Variants in LONRF1 observed in about 807,000 individuals in gnomAD.
LONRF1 encodes the protein LON peptidase N-terminal domain and ring finger 1, also known as LON peptidase N-terminal domain and RING finger protein 1.
Under a neutral mutation model 85.8 loss-of-function variants are expected in LONRF1, and 37 were observed. That is an observed-to-expected ratio of 0.43 (90% confidence interval 0.33 to 0.57). The LOEUF (loss-of-function observed/expected upper bound fraction) is 0.57. LONRF1 is among the 20% of genes least tolerant of loss of function. LONRF1 has a pLI of 0.04. For missense variants in LONRF1, 1,036 were observed against 978.0 expected, an observed-to-expected ratio of 1.06 and a Z score of -0.79; for synonymous variants, 517 against 390.1, an observed-to-expected ratio of 1.33 and a Z score of -3.83.
chr8:12,750,218 G>A (rs976229740), intron 1 of LONRF1, among the ~76,000 whole-genome samples: 1 of 152,140 alleles, frequency 6.6e-6, no homozygotes, highest in South Asian at 2.1e-4. Context: ...TACGATAATA[G>A]AAATGAAAAT....
chr8:12,736,234 T>C (rs1042357263), intron 6 of LONRF1, among the ~76,000 whole-genome samples: 14 of 152,168 alleles, frequency 9.2e-5, no homozygotes, highest in South Asian at 2.1e-4. Context: ...TTTAGAATTA[T>C]AGCATTCTGA....
chr8:12,723,051 T>G lies in LONRF1; in HGVS notation c.*45A>C. ...AGGCAGCAGACAATCTGGCCATCAATGCAGCCAGATTAGGGTCACTTTAAA... is the reference window on the plus strand; with the variant it reads ...AGGCAGCAGACAATCTGGCCATCAAGGCAGCCAGATTAGGGTCACTTTAAA... On this transcript the variant is annotated 3_prime_UTR_variant, in exon 12 of 12. Transcript: ENST00000398246. 6.7e-7 allele frequency: 1 copy of G among 1,502,456 alleles called. No homozygotes were observed. Among genetic ancestry groups the G allele is most frequent in the Non-Finnish European group, 9.0e-7 (1 of 1,116,052 alleles). The allele number at this position is 1,502,456 out of a possible 1,614,324, so 93.1% of individuals were successfully genotyped here.
intron 1 of LONRF1, among the ~76,000 whole-genome samples, chr8:12,745,326 A>AGG: frequency 3.0e-4 from 2 of 6,612 alleles, no homozygotes; most frequent in African/African-American, 4.7e-4. Flanking sequence ...TTTTGGAAAA[A>AGG]AAAAAAAAAA....
At chr8:12,747,066 T>C (rs1239005589) in intron 1 of LONRF1, among the ~76,000 whole-genome samples, 3 of 152,356 alleles carry the variant, frequency 2.0e-5, no homozygotes, top group East Asian at 3.9e-4. Context: ...AGATCCTGGC[T>C]TTGATAAATG....
At chr8:12,737,409 T>C (rs1250712614) in intron 4 of LONRF1, 1 of 611,534 alleles carries the variant, frequency 1.6e-6, no homozygotes, top group Non-Finnish European at 3.0e-6. Flanking sequence ...ATATCGACTT[T>C]TTTCTTGTCA....
At chr8:12,749,949 C>A (rs1163450117) in intron 1 of LONRF1, among the ~76,000 whole-genome samples, 1 of 152,062 alleles carries the variant, frequency 6.6e-6, no homozygotes, top group Non-Finnish European at 1.5e-5. Context: ...TAAAACAATG[C>A]CTGGTATATA....
chr8:12,727,666 TTTACACAAAAC>T (rs1056526299), intron 10 of LONRF1, among the ~76,000 whole-genome samples: 4 of 152,152 alleles, frequency 2.6e-5, no homozygotes, highest in Non-Finnish European at 4.4e-5. Context: ...AAGACATAAA[TTTACACAAAAC>T]TGAAATATGG....
In LONRF1 at chr8:12,740,900, C is replaced by G; in HGVS notation, c.937G>C (p.Ala313Pro). 1 of 1,613,330 alleles carries G rather than the reference C, an allele frequency of 6.2e-7. No individual in the cohort carries two copies. The part of the protein sequence containing the change: ...LQCLALDEDF[A>P]PAKLQVQKIL... ...TTTTGTACTTGCAGCTTTGCAGGTG[C>G]AAAATCTTCATCAAGGGCTAAGCAC... The change falls in exon 3 of 12, where the codon GCA becomes CCA. Residue 313 changes from alanine (A) to proline (P), a missense_variant. By Grantham distance (27) the Ala-to-Pro change is conservative. Around this residue, in one of 3 missense-constraint regions of LONRF1, gnomAD observed 742 missense variants for 614.4 expected, o/e 1.21. Transcript: ENST00000398246.
chr8:12,731,178 C>G (rs1204563030), intron 8 of LONRF1, among the ~76,000 whole-genome samples: 1 of 152,112 alleles, frequency 6.6e-6, no homozygotes, highest in Non-Finnish European at 1.5e-5. Flanking sequence ...AGTGGCCTGC[C>G]TTACCGAATC....
intron 10 of LONRF1, chr8:12,727,411 T>A (rs937771912): frequency 1.3e-5 from 2 of 151,516 alleles, no homozygotes; most frequent in Non-Finnish European, 1.5e-5. Context: ...AGAGGAAAAT[T>A]TGCCATATAA....
chr8:12,723,538 C>T (rs1451621828), intron 11 of LONRF1, among the ~76,000 whole-genome samples: 1 of 152,226 alleles, frequency 6.6e-6, no homozygotes, highest in African/African-American at 2.4e-5. Flanking sequence ...ATTACACTAG[C>T]AAGGCTTCTC....
intron 2 of LONRF1, among the ~76,000 whole-genome samples, chr8:12,741,821 T>G (rs1798944286): frequency 6.6e-6 from 1 of 152,206 alleles, no homozygotes; most frequent in Admixed American, 6.5e-5. Context: ...TATTTTGTCT[T>G]TCACTTTTCT....
intron 10 of LONRF1, among the ~76,000 whole-genome samples, chr8:12,728,240 C>G (rs922533995): frequency 2.5e-4 from 38 of 152,238 alleles, no homozygotes; most frequent in African/African-American, 8.7e-4. Flanking sequence ...AGTAGGTAAA[C>G]TGGGTATTGC....
chr8:12,737,874 A>G (rs1798781812), intron 4 of LONRF1, 121 bp downstream of exon 4: 8 of 974,568 alleles, frequency 8.2e-6, no homozygotes, highest in African/African-American at 1.7e-5. Context: ...TTCTACTATG[A>G]TAACTAACCA....
Position 12,723,146 on chromosome 8 carries a change from T to C in LONRF1, c.2272A>G (p.Thr758Ala), listed in dbSNP as rs866936797. Residue 758 changes from threonine to alanine, a missense_variant, in exon 12 of 12, where the codon ACC becomes GCC. Thr to Ala is a moderately conservative substitution (Grantham distance 58). Coordinates refer to ENST00000398246, the MANE Select transcript of LONRF1 (RefSeq NM_152271.5). ...TAGGTCAGTATATGCTGTATCTTGG[T>C]CAACCGTTCTTTCAAAGACTTCATT... is the stretch of plus-strand genomic sequence containing the variant. Reference protein sequence around the residue: ...LSMKSLKERLTKIQHILTYFS... With the variant: ...LSMKSLKERLAKIQHILTYFS... 3 of 1,614,160 alleles carry C rather than the reference T, an allele frequency of 1.9e-6. No individual in the cohort carries two copies. The highest frequency in any genetic ancestry group is 1.7e-6 in the Non-Finnish European group (2 of 1,180,002).
chr8:12,752,756 T>A (rs918709662), intron 1 of LONRF1, among the ~76,000 whole-genome samples: 1 of 152,214 alleles, frequency 6.6e-6, no homozygotes, highest in African/African-American at 2.4e-5. Flanking sequence ...TGCTCACTGT[T>A]CTTCCATGGA....
At position 12,723,123 on chromosome 8, in the gene LONRF1, G is replaced by A. The variant is rs1805983020; in HGVS notation, c.2295C>T (p.Thr765=). Residue 765 remains threonine, a synonymous_variant, in exon 12 of 12, where the codon ACC becomes ACT. Transcript: ENST00000398246. ...ERLTKIQHIL[T]YFSRDQSK is the part of the protein sequence containing the mutation. ...ACTTAGATTGGTCTCTAGAAAAATA[G>A]GTCAGTATATGCTGTATCTTGGTCA... 6.2e-7 allele frequency: 1 copy of A among 1,613,098 alleles called. No homozygotes were observed. Among genetic ancestry groups the A allele is most frequent in the Non-Finnish European group, 8.5e-7 (1 of 1,179,688 alleles).
intron 11 of LONRF1, among the ~76,000 whole-genome samples, chr8:12,724,006 A>T (rs1018166395): frequency 3.3e-5 from 5 of 152,216 alleles, no homozygotes; most frequent in African/African-American, 9.6e-5. Context: ...TATTTATCGG[A>T]CTTAAAATAT....
At chr8:12,751,813 C>A (rs1799418855) in intron 1 of LONRF1, among the ~76,000 whole-genome samples, 1 of 151,690 alleles carries the variant, frequency 6.6e-6, no homozygotes, top group Admixed American at 6.6e-5. Flanking sequence ...AAAAGGCAGG[C>A]AGCATGGCTT....
Sources: allele counts gnomAD v4.1 joint callset (sites outside exome capture counted in the v4.1 genomes callset), GRCh38; gene constraint gnomAD v4.1.1; regional missense constraint gnomAD v4.1.1; transcripts MANE v1.5; gene names NCBI Gene and HGNC (gene_info 2026-07-23, HGNC 2026-07-21).